Variants in PPIP5K2 observed in about 807,000 individuals in gnomAD.
PPIP5K2 encodes diphosphoinositol pentakisphosphate kinase 2.
In PPIP5K2, 105 loss-of-function variants were observed where a neutral mutation model predicts 154.6. That is an observed-to-expected ratio of 0.68 (90% confidence interval 0.58 to 0.80). The LOEUF is 0.80. Among genes scored for constraint, PPIP5K2 ranks in the 30% least tolerant of loss-of-function variants. The pLI, the probability that PPIP5K2 is intolerant of heterozygous loss-of-function variation, is 0.00. For missense variants in PPIP5K2, 992 were observed against 1,504.6 expected (o/e 0.66, Z 5.64); for synonymous variants, 480 against 490.3 (o/e 0.98, Z 0.28).
intron 3 of PPIP5K2, among the ~76,000 whole-genome samples, 157 bp downstream of exon 3, chr5:103,133,805 T>C (rs1274528704): frequency 6.6e-6 from 1 of 152,166 alleles, no homozygotes; most frequent in African/African-American, 2.4e-5. Context: ...TTCCAGTGTT[T>C]GTCTTCTATG....
At chr5:103,161,669 G>A (rs1796270484) in intron 17 of PPIP5K2, among the ~76,000 whole-genome samples, 1 of 152,064 alleles carries the variant, frequency 6.6e-6, no homozygotes, top group Non-Finnish European at 1.5e-5. Context: ...GTGTGAGATG[G>A]TATCTCATTG....
rs1798964607 is a variant in PPIP5K2, at chr5:103,178,000, C to A, written c.2754+20C>A. On this transcript the variant is annotated intron_variant, in intron 23 of 30. Coordinates refer to ENST00000358359, the MANE Select transcript of PPIP5K2 (RefSeq NM_001276277.3). The stretch of plus-strand genomic sequence containing the variant: ...AGAGAGGTAATGAAGGTGGAACTCT[C>A]AGTGCTTAGTTACTACAGTTCTAGA... 6 of 1,430,524 alleles carry A rather than the reference C, an allele frequency of 4.2e-6. No homozygotes were observed. The highest frequency in any genetic ancestry group is 2.3e-5 in the East Asian group (1 of 44,000). The allele number at this position is 1,430,524 out of a possible 1,614,324, so 88.6% of individuals were successfully genotyped here.
rs781856489 is a variant in PPIP5K2, at chr5:103,183,292, C to T, written c.2981C>T (p.Thr994Ile). 6 of 1,513,482 alleles carry T rather than the reference C, an allele frequency of 4.0e-6. No individual in the cohort carries two copies. The highest frequency in any genetic ancestry group is 2.7e-6 in the Non-Finnish European group (3 of 1,124,078). 93.8% of individuals were successfully genotyped at this position (1,513,482 alleles called of 1,614,324 possible). The change falls in exon 25 of 31, where the codon ACC becomes ATC. Residue 994 changes from threonine (T) to isoleucine (I), a missense_variant. This residue lies in a region of PPIP5K2 where 204 missense variants were observed against 224.0 expected (regional missense o/e 0.91). Coordinates refer to ENST00000358359, the MANE Select transcript of PPIP5K2 (RefSeq NM_001276277.3). ...GGTACTGGTACCTGGCTGCATTATACCAGTGGTGTGGGTACTGGGCGTCGA... is the reference window on the plus strand; with the variant it reads ...GGTACTGGTACCTGGCTGCATTATATCAGTGGTGTGGGTACTGGGCGTCGA... ...PEGTGTWLHY[T>I]SGVGTGRRRR...
chr5:103,157,379 G>C (rs945110675), intron 14 of PPIP5K2, among the ~76,000 whole-genome samples: 1 of 152,036 alleles, frequency 6.6e-6, no homozygotes, highest in African/African-American at 2.4e-5. Flanking sequence ...TTTTGTTTGC[G>C]TAAAATTTAT....
chr5:103,129,168 A>G (rs1790212806), intron 1 of PPIP5K2, 138 bp from the exon 2 acceptor site: 1 of 152,282 alleles, frequency 6.6e-6, no homozygotes, highest in East Asian at 1.9e-4. Flanking sequence ...TAATTTTCTT[A>G]TGGGAGAAAA....
chr5:103,206,939 G>A lies in PPIP5K2; in HGVS notation c.*5305G>A, dbSNP rs1311459624. 1.3e-5 allele frequency: 2 copies of A among 152,292 alleles called. No individual in the cohort carries two copies. The highest frequency in any genetic ancestry group is 2.9e-5 in the Non-Finnish European group (2 of 68,100). The allele number at this position is 152,292 out of a possible 1,614,324, so 9.4% of individuals were successfully genotyped here. On this transcript the variant is annotated 3_prime_UTR_variant, in exon 31 of 31. Transcript: ENST00000358359. ...AAGTAGAAAACAACTGAGTCAGAGT[G>A]GAGATGAGTGTCTCAGTCAAGGCCC...
chr5:103,194,927 T>C lies in PPIP5K2; in HGVS notation c.3521T>C (p.Ile1174Thr), dbSNP rs1801830412. ...ISSTALRSSP[I>T]MRKKVSLNTY... ...TCTACAGCTTTACGTTCCAGTCCAA[T>C]AATGAGAAAAAAAGTATCTTTAAAT... Residue 1174 changes from isoleucine to threonine, a missense_variant, in exon 30 of 31, where the codon ATA becomes ACA. Coordinates refer to ENST00000358359, the MANE Select transcript of PPIP5K2 (RefSeq NM_001276277.3). 6.2e-7 allele frequency: 1 copy of C among 1,613,136 alleles called. No individual in the cohort carries two copies. Among genetic ancestry groups the C allele is most frequent in the Admixed American group, 1.7e-5 (1 of 59,940 alleles).
Position 103,187,306 on chromosome 5 carries a change from T to C in PPIP5K2, c.3290-8T>C. On this transcript the variant is annotated splice_polypyrimidine_tract_variant and splice_region_variant and intron_variant, in intron 27 of 30. Transcript: ENST00000358359. ...CGAATTTCAGGTACCTGTTTTTCTC[T>C]TTCTTAGACGCCACACGCGGTTCTG... The C allele has an allele frequency of 6.5e-7, 1 of 1,533,072 alleles. No homozygotes were observed. The highest frequency in any genetic ancestry group is 1.2e-5 in the South Asian group (1 of 83,578). The allele number at this position is 1,533,072 out of a possible 1,614,324, so 95.0% of individuals were successfully genotyped here.
chr5:103,184,449 T>G, intron 25 of PPIP5K2: 1 of 414,250 alleles, frequency 2.4e-6, no homozygotes, highest in East Asian at 4.0e-5. Context: ...ACATGATGTT[T>G]CATTCTGAAT....
chr5:103,141,882 CAG>C (rs1554206901), intron 5 of PPIP5K2, among the ~76,000 whole-genome samples: 4 of 152,328 alleles, frequency 2.6e-5, no homozygotes, highest in East Asian at 1.9e-4. Flanking sequence ...GAGCTAAACA[CAG>C]GGTGCTGATT....
chr5:103,121,931 A>G (rs1788815519), intron 1 of PPIP5K2, among the ~76,000 whole-genome samples: 1 of 152,222 alleles, frequency 6.6e-6, no homozygotes, highest in Non-Finnish European at 1.5e-5. Flanking sequence ...ATGCAACCAC[A>G]ATATAGACAA....
At chr5:103,136,574 TAAATC>T (rs1158433220) in intron 3 of PPIP5K2, among the ~76,000 whole-genome samples, 153 bp from the exon 4 acceptor site, 3 of 152,320 alleles carry the variant, frequency 2.0e-5, no homozygotes, top group African/African-American at 7.2e-5. Flanking sequence ...ATATATAAGT[TAAATC>T]AAGGTTTATG....
intron 2 of PPIP5K2, among the ~76,000 whole-genome samples, chr5:103,131,951 A>G (rs1206937104): frequency 6.6e-6 from 1 of 152,204 alleles, no homozygotes; most frequent in South Asian, 2.1e-4. Context: ...TAAATAAGAC[A>G]ATATATTAGC....
At position 103,159,172 on chromosome 5, in the gene PPIP5K2, T is replaced by A. The variant is rs1554214792; in HGVS notation, c.1764T>A (p.Leu588=). The A allele has an allele frequency of 6.2e-7, 1 of 1,604,900 alleles. No homozygotes were observed. The highest frequency in any genetic ancestry group is 1.7e-5 in the Admixed American group (1 of 59,090). The change falls in exon 17 of 31, where the codon CTT becomes CTA. Residue 588 remains leucine (L), a synonymous_variant. Transcript: ENST00000358359. The part of the protein sequence containing the change: ...AKGLLALEGE[L]TPILVQMVKS... ...GGCTTTTAGCTTTGGAAGGAGAGCT[T>A]ACACCCATTCTTGTTCAAATGGTGA...
Position 103,186,407 on chromosome 5 carries a change from G to T in PPIP5K2, c.3257G>T (p.Arg1086Leu), listed in dbSNP as rs781956657. The T allele has an allele frequency of 2.5e-6, 4 of 1,613,852 alleles. No individual in the cohort carries two copies. In the Admixed American group the frequency reaches 5.0e-5, roughly 20 times the overall value. Reference protein sequence around the residue: ...PNLQDYARTHRKKLTSSGCID... With the variant: ...PNLQDYARTHLKKLTSSGCID... ...CTACAGGATTATGCTCGTACTCATC[G>T]TAAAAAGCTGACCTCTTCTGGCTGC... The change falls in exon 27 of 31, where the codon CGT becomes CTT. Residue 1086 changes from arginine to leucine, a missense_variant. Coordinates refer to ENST00000358359, the MANE Select transcript of PPIP5K2 (RefSeq NM_001276277.3).
chr5:103,194,734 C>A, intron 29 of PPIP5K2, 166 bp from the exon 30 acceptor site: 1 of 647,886 alleles, frequency 1.5e-6, no homozygotes, highest in Non-Finnish European at 2.6e-6. Context: ...CATAACAGAA[C>A]TATCTTTTTA....
intron 13 of PPIP5K2, among the ~76,000 whole-genome samples, chr5:103,155,277 A>G (rs782636205): frequency 6.6e-6 from 1 of 151,930 alleles, no homozygotes; most frequent in Non-Finnish European, 1.5e-5. Context: ...ATCAAGTAAA[A>G]TGGATACCCA....
rs2149894234 is a variant in PPIP5K2, at chr5:103,210,151, TTGAC to T, written c.*8519_*8522del. The T allele has an allele frequency of 6.6e-6, 1 of 152,080 alleles. No individual in the cohort carries two copies. Among genetic ancestry groups the T allele is most frequent in the East Asian group, 1.9e-4 (1 of 5,156 alleles). 9.4% of individuals were successfully genotyped at this position (152,080 alleles called of 1,614,324 possible). A position where few individuals can be genotyped will look rare whatever the true frequency, so the allele number is the denominator to read the frequency against. On this transcript the variant is annotated 3_prime_UTR_variant, in exon 31 of 31. Coordinates refer to ENST00000358359, the MANE Select transcript of PPIP5K2 (RefSeq NM_001276277.3). Reference sequence around the variant, plus strand: ...ACACTCATATTGGAAGCGAATGGAGTTGACTTCACCAGTGGGAAAAGCAATTACT... The same window carrying T: ...ACACTCATATTGGAAGCGAATGGAGTTTCACCAGTGGGAAAAGCAATTACT...
intron 30 of PPIP5K2, among the ~76,000 whole-genome samples, chr5:103,195,303 A>T (rs1554228188): frequency 6.6e-6 from 1 of 151,748 alleles, no homozygotes; most frequent in Non-Finnish European, 1.5e-5. Context: ...CTTTCTTTTG[A>T]GTTTAAGGCA....
Sources: gnomAD v4.1 joint callset for allele counts (sites outside exome capture counted in the v4.1 genomes callset) on GRCh38, gnomAD v4.1.1 for gene constraint, gnomAD v4.1.1 regional missense constraint, MANE v1.5 for transcripts, NCBI Gene and HGNC (gene_info 2026-07-23, HGNC 2026-07-21) for gene names.